RLIM: variants seen among roughly 807,000 people sequenced by gnomAD.
RLIM encodes the protein E3 ubiquitin-protein ligase RLIM.
In RLIM, 2 loss-of-function variants were observed where a neutral mutation model predicts 34.0. That is an observed-to-expected ratio of 0.06 (90% confidence interval 0.02 to 0.19). RLIM has a LOEUF of 0.19. Among genes scored for constraint, RLIM ranks in the 10% least tolerant of loss-of-function variants. RLIM has a pLI of 1.00. For synonymous variants in RLIM, 169 were observed against 164.0 expected, an observed-to-expected ratio of 1.03 and a Z score of -0.23; for missense variants, 286 against 479.7, an observed-to-expected ratio of 0.60 and a Z score of 3.77.
At chrX:74,605,193 T>C (rs1319441118) in intron 1 of RLIM, among the ~76,000 whole-genome samples, 1 of 112,106 alleles carries the variant, frequency 8.9e-6, no homozygotes, top group Non-Finnish European at 1.9e-5. Flanking sequence ...CCTTGTAAAC[T>C]AATTTTACTC....
chrX:74,594,878 G>A (rs904609366), intron 2 of RLIM, among the ~76,000 whole-genome samples: 4 of 93,790 alleles, frequency 4.3e-5, no homozygotes, highest in African/African-American at 1.2e-4. Context: ...CAGCCTGGGC[G>A]AAAGTGCAAG....
At chrX:74,607,006 G>A (rs1015595704) in intron 1 of RLIM, among the ~76,000 whole-genome samples, 5 of 110,396 alleles carry the variant, frequency 4.5e-5, no homozygotes, top group Non-Finnish European at 7.6e-5. Flanking sequence ...ATGGTAACGC[G>A]CATCTGTGGT....
rs749921941 is a variant in RLIM, at chrX:74,610,908, A to T, written c.-24+3514T>A. Among the ~76,000 whole-genome samples, 95 of 111,547 alleles carry T rather than the reference A, an allele frequency of 8.5e-4. No individual in the cohort carries two copies. In the South Asian group the frequency reaches 0.02, roughly 24 times the overall value. ...CCGTCTCAAAAAAATAAAAAAATAA[A>T]AAATAAATAAATAAAAATACCTCAA... On this transcript the variant is annotated intron_variant, in intron 1 of 3. Coordinates refer to ENST00000332687, the MANE Select transcript of RLIM (RefSeq NM_016120.4).
rs2079589068 is a variant in RLIM, at chrX:74,586,764, C to A, written c.*4676G>T. 1 of 112,753 alleles carries A rather than the reference C, an allele frequency of 8.9e-6. No homozygotes were observed. Among genetic ancestry groups the A allele is most frequent in the African/African-American group, 3.2e-5 (1 of 31,073 alleles). The allele number at this position is 112,753 out of a possible 1,213,427, so 9.3% of individuals were successfully genotyped here. On this transcript the variant is annotated 3_prime_UTR_variant, in exon 4 of 4. Transcript: ENST00000332687. Reference sequence around the variant, plus strand: ...AAATTTTTGCAGGGCAGGTACTTAACTCATAGCTGTTTTAGTTGATTAAAA... The same window carrying A: ...AAATTTTTGCAGGGCAGGTACTTAAATCATAGCTGTTTTAGTTGATTAAAA...
intron 1 of RLIM, among the ~76,000 whole-genome samples, chrX:74,601,716 C>T (rs1371377812): frequency 9.0e-6 from 1 of 111,485 alleles, no homozygotes; most frequent in Non-Finnish European, 1.9e-5. Context: ...ATCAGGATAA[C>T]ACTGCTGACT....
At chrX:74,598,778 CAA>C (rs36109028) in intron 1 of RLIM, among the ~76,000 whole-genome samples, 1,568 of 65,816 alleles carry the variant, frequency 0.024, 33 homozygotes, top group African/African-American at 0.06. Context: ...GACTCTGTTT[CAA>C]AAAAAAAAAA....
At chrX:74,594,438 C>A (rs775435635) in intron 2 of RLIM, 49 bp from the exon 3 acceptor site, 19 of 820,167 alleles carry the variant, frequency 2.3e-5, no homozygotes, top group Non-Finnish European at 3.0e-5. Context: ...GTATGACAAT[C>A]AAATACTTTA....
chrX:74,598,394 G>A (rs760626958), intron 1 of RLIM, among the ~76,000 whole-genome samples: 10 of 111,055 alleles, frequency 9.0e-5, no homozygotes, highest in African/African-American at 1.3e-4. Flanking sequence ...TTGGGAGGCC[G>A]AGGTGGGAGG....
At chrX:74,593,575 G>A (rs947835729) in intron 3 of RLIM, among the ~76,000 whole-genome samples, 1 of 112,674 alleles carries the variant, frequency 8.9e-6, no homozygotes, top group South Asian at 3.6e-4. Flanking sequence ...AGATTTATAG[G>A]TTTAAAAGCA....
Position 74,583,982 on chromosome X carries a change from T to G in RLIM, c.*7458A>C, listed in dbSNP as rs766590068. 1.8e-5 allele frequency among the ~76,000 whole-genome samples: 2 copies of G among 111,413 alleles called. No homozygotes were observed. The highest frequency in any genetic ancestry group is 3.8e-5 in the Non-Finnish European group (2 of 53,089). ...AATCGTTTGAACCCAGAGGCAGAGG[T>G]TGCAGTGAGCCAAGATCGCACCATT... On this transcript the variant is annotated 3_prime_UTR_variant, in exon 4 of 4. Coordinates refer to ENST00000332687, the MANE Select transcript of RLIM (RefSeq NM_016120.4).
intron 3 of RLIM, among the ~76,000 whole-genome samples, 158 bp from the exon 4 acceptor site, chrX:74,593,219 G>GT (rs1195805916): frequency 2.7e-5 from 3 of 112,348 alleles, no homozygotes; most frequent in African/African-American, 9.7e-5. Flanking sequence ...AATTTATAAG[G>GT]TAAGAAAATT....
intron 1 of RLIM, among the ~76,000 whole-genome samples, chrX:74,606,805 T>C (rs922350646): frequency 3.6e-5 from 4 of 111,551 alleles, no homozygotes; most frequent in African/African-American, 1.3e-4. Context: ...GAAATGCCTG[T>C]GTAAAAACCA....
chrX:74,595,790 TAA>T lies in RLIM; in HGVS notation c.169+17_169+18del. 1 of 1,147,526 alleles carries T rather than the reference TAA, an allele frequency of 8.7e-7. No individual in the cohort carries two copies. Among genetic ancestry groups the T allele is most frequent in the Non-Finnish European group, 1.2e-6 (1 of 854,676 alleles). 94.6% of individuals were successfully genotyped at this position (1,147,526 alleles called of 1,213,427 possible). On this transcript the variant is annotated intron_variant, in intron 2 of 3. Coordinates refer to ENST00000332687, the MANE Select transcript of RLIM (RefSeq NM_016120.4). ...CCAGCAACTTACACTTATAAATCCT[TAA>T]ATATATGTAAGCATACCTGGGGTGC...
intron 1 of RLIM, among the ~76,000 whole-genome samples, chrX:74,603,935 C>T (rs904984326): frequency 9.1e-6 from 1 of 109,774 alleles, no homozygotes; most frequent in Non-Finnish European, 1.9e-5. Flanking sequence ...ATAGTGAAAC[C>T]CCGTCTCTAC....
chrX:74,605,685 G>A (rs939805467), intron 1 of RLIM, among the ~76,000 whole-genome samples: 12 of 111,954 alleles, frequency 1.1e-4, no homozygotes, highest in Admixed American at 4.8e-4. Flanking sequence ...AAGATTACCC[G>A]TGAAACATAC....
rs189073695 is a variant in RLIM, at chrX:74,591,272, A to C, written c.*168T>G. 1.5e-4 allele frequency: 69 copies of C among 457,812 alleles called. No homozygotes were observed. The highest frequency in any genetic ancestry group is 1.5e-3 in the African/African-American group (62 of 41,197). 37.7% of individuals were successfully genotyped at this position (457,812 alleles called of 1,213,427 possible). A position where few individuals can be genotyped will look rare whatever the true frequency, so the allele number is the denominator to read the frequency against. On this transcript the variant is annotated 3_prime_UTR_variant, in exon 4 of 4. Coordinates refer to ENST00000332687, the MANE Select transcript of RLIM (RefSeq NM_016120.4). ...CGTGGCTTTTAAAATATTTCCTTTTATTCTGGAACAAAAACTGGAGAAAGG... is the reference window on the plus strand; with the variant it reads ...CGTGGCTTTTAAAATATTTCCTTTTCTTCTGGAACAAAAACTGGAGAAAGG...
Position 74,592,877 on chromosome X carries a change from A to G in RLIM, c.438T>C (p.Asn146=). 8.3e-7 allele frequency: 1 copy of G among 1,211,553 alleles called. No individual in the cohort carries two copies. The highest frequency in any genetic ancestry group is 1.1e-6 in the Non-Finnish European group (1 of 895,201). The part of the protein sequence containing the change: ...RFSLEINVNR[N]NGSQNSENEN... Reference sequence around the variant, plus strand: ...CATTCTCTGAATTTTGGCTCCCATTATTACGGTTAACATTTATCTCTAAAC... The same window carrying G: ...CATTCTCTGAATTTTGGCTCCCATTGTTACGGTTAACATTTATCTCTAAAC... The change falls in exon 4 of 4, where the codon AAT becomes AAC. Residue 146 remains asparagine, a synonymous_variant. Transcript: ENST00000332687.
At chrX:74,604,769 C>T (rs1490482352) in intron 1 of RLIM, among the ~76,000 whole-genome samples, 1 of 110,877 alleles carries the variant, frequency 9.0e-6, no homozygotes, top group African/African-American at 3.3e-5. Flanking sequence ...GCTTGGATTC[C>T]GTTCCATGAA....
At chrX:74,603,899 G>A (rs546796926) in intron 1 of RLIM, among the ~76,000 whole-genome samples, 2 of 110,849 alleles carry the variant, frequency 1.8e-5, no homozygotes, top group African/African-American at 6.6e-5. Flanking sequence ...CACAAGGTCA[G>A]GAGTTCTGAG....
Sources: gnomAD v4.1 joint callset for allele counts (sites outside exome capture counted in the v4.1 genomes callset) on GRCh38, gnomAD v4.1.1 for gene constraint, MANE v1.5 for transcripts, NCBI Gene and HGNC (gene_info 2026-07-23, HGNC 2026-07-21) for gene names.